The following RNF128 variants were observed in gnomAD, a reference collection of about 807,000 sequenced individuals.
The protein encoded by RNF128 is E3 ubiquitin-protein ligase RNF128.
A neutral mutation model predicts 26.2 loss-of-function variants in RNF128; 13 were observed. The ratio of observed to expected loss-of-function variants is 0.50; its 90% CI spans 0.32 to 0.79. RNF128 has a LOEUF of 0.79. Among genes scored for constraint, RNF128 ranks in the 30% least tolerant of loss-of-function variants. RNF128 has a pLI of 0.03. For missense variants in RNF128, 315 were observed against 349.7 expected, an observed-to-expected ratio of 0.90 and a Z score of 0.79; for synonymous variants, 149 against 142.5, an observed-to-expected ratio of 1.05 and a Z score of -0.32.
chrX:106,793,237 A>AGG (rs1179904589), intron 6 of RNF128, among the ~76,000 whole-genome samples: 1 of 110,931 alleles, frequency 9.0e-6, no homozygotes, highest in Admixed American at 9.7e-5. Flanking sequence ...CCATTGAATA[A>AGG]GGGCCCTACT....
rs749806791 is a variant in RNF128 at position 106,717,652 on chromosome X, G to A, written c.406+23244G>A. ...CAGATGAATTTTATTTTAAATCACT[G>A]AAACTCCAAAATAGAAAATTATAAT... On this transcript the variant is annotated intron_variant, in intron 1 of 6. Transcript: ENST00000324342. Among the ~76,000 whole-genome samples the A allele has an allele frequency of 2.7e-5, 3 of 112,081 alleles. No individual in the cohort carries two copies. In the East Asian group the frequency reaches 8.4e-4, roughly 31 times the overall value.
chrX:106,695,679 T>C (rs910324167), intron 1 of RNF128, among the ~76,000 whole-genome samples: 1 of 111,842 alleles, frequency 8.9e-6, no homozygotes, highest in Non-Finnish European at 1.9e-5. Flanking sequence ...ACGAGTGACT[T>C]TCATTTTTGT....
At chrX:106,705,453 G>A (rs769723096) in intron 1 of RNF128, among the ~76,000 whole-genome samples, 36 of 111,418 alleles carry the variant, frequency 3.2e-4, no homozygotes, top group African/African-American at 8.8e-4. Context: ...TTAAATGCCC[G>A]GATACCCTGC....
chrX:106,786,984 A>G (rs1930668870), intron 3 of RNF128, among the ~76,000 whole-genome samples: 2 of 111,446 alleles, frequency 1.8e-5, no homozygotes, highest in African/African-American at 6.5e-5. Context: ...CAACTGGTAC[A>G]CTCATTCATT....
At chrX:106,760,392 G>A (rs1434042199) in intron 1 of RNF128, among the ~76,000 whole-genome samples, 3 of 111,102 alleles carry the variant, frequency 2.7e-5, no homozygotes, top group East Asian at 5.6e-4. Flanking sequence ...AATATTCAAC[G>A]TCACCAATCA....
intron 4 of RNF128, among the ~76,000 whole-genome samples, chrX:106,788,542 AAATATAAT>A (rs1281250671): frequency 1.7e-5 from 1 of 59,034 alleles, no homozygotes; most frequent in African/African-American, 7.1e-5. Context: ...ATTATATATT[AAATATAAT>A]AATATATTTA....
At chrX:106,791,015 G>A (rs773454849) in intron 5 of RNF128, 51 bp from the exon 6 acceptor site, 1 of 1,105,739 alleles carries the variant, frequency 9.0e-7, no homozygotes, top group Non-Finnish European at 1.2e-6. Context: ...GATATGTCGA[G>A]GAAAAGCGTG....
rs56121637 is a variant in RNF128, at chrX:106,773,038, A to T, written c.610A>T (p.Asn204Tyr). ...EVGKKHGPWVNHYSIFFVSVS... is the reference protein window; with the variant it reads ...EVGKKHGPWVYHYSIFFVSVS... ...AGGGAAAAAACATGGCCCTTGGGTG[A>T]ATCACTATTCAATTTTTTTCGTTTC... Residue 204 changes from asparagine (N) to tyrosine (Y), a missense_variant, in exon 2 of 7, where the codon AAT becomes TAT. Transcript: ENST00000255499. 9,616 of 1,209,373 alleles carry T rather than the reference A, an allele frequency of 8.0e-3. 38 individuals are homozygous for T. The highest frequency in any genetic ancestry group is 9.3e-3 in the Non-Finnish European group (8,304 of 895,012).
chrX:106,789,581 T>G (rs751790578), intron 4 of RNF128, among the ~76,000 whole-genome samples: 2 of 102,537 alleles, frequency 2.0e-5, no homozygotes, highest in African/African-American at 6.9e-5. Context: ...ATGTAGTATA[T>G]ATAGTTACAC....
At chrX:106,769,546 G>T (rs370328538) in intron 1 of RNF128, among the ~76,000 whole-genome samples, 205 of 64,887 alleles carry the variant, frequency 3.2e-3, no homozygotes, top group South Asian at 6.2e-3. Flanking sequence ...CACCTGCTTT[G>T]TTTTTTTTTT....
At chrX:106,729,471 C>T (rs1196695147) in intron 1 of RNF128, among the ~76,000 whole-genome samples, 1 of 110,719 alleles carries the variant, frequency 9.0e-6, no homozygotes, top group Non-Finnish European at 1.9e-5. Context: ...TTAATGCTAA[C>T]AGGATGCAAA....
chrX:106,791,907 T>C (rs1930833565), intron 6 of RNF128, among the ~76,000 whole-genome samples: 1 of 111,163 alleles, frequency 9.0e-6, no homozygotes, highest in South Asian at 3.8e-4. Flanking sequence ...CTTTTCCATG[T>C]TTTTGTTGGT....
intron 1 of RNF128, among the ~76,000 whole-genome samples, chrX:106,758,226 GAA>G (rs1417674562): frequency 9.0e-6 from 1 of 111,464 alleles, no homozygotes; most frequent in African/African-American, 3.3e-5. Context: ...CCTAACCAAA[GAA>G]GAGAGCTCTA....
At chrX:106,790,341 C>G in intron 5 of RNF128, 59 bp downstream of exon 5, 2 of 803,026 alleles carry the variant, frequency 2.5e-6, no homozygotes, top group Non-Finnish European at 3.8e-6. Flanking sequence ...GAGAAAATAA[C>G]AAAATAACAT....
intron 2 of RNF128, among the ~76,000 whole-genome samples, chrX:106,775,942 A>G (rs1449859073): frequency 8.9e-6 from 1 of 112,336 alleles, no homozygotes; most frequent in African/African-American, 3.2e-5. Flanking sequence ...GAATGCTCAG[A>G]TGAGCCCCCA....
At chrX:106,756,207 G>A (rs1465872638) in intron 1 of RNF128, among the ~76,000 whole-genome samples, 1 of 111,404 alleles carries the variant, frequency 9.0e-6, no homozygotes, top group Non-Finnish European at 1.9e-5. Context: ...AGCTACCAAT[G>A]CCTTTCTTCA....
At chrX:106,711,882 C>A (rs2147661602) in intron 1 of RNF128, among the ~76,000 whole-genome samples, 1 of 111,276 alleles carries the variant, frequency 9.0e-6, no homozygotes, top group South Asian at 3.9e-4. Context: ...TTGAATAAAA[C>A]AAAAATCAAT....
At chrX:106,774,292 T>C (rs1414664684) in intron 2 of RNF128, among the ~76,000 whole-genome samples, 1 of 112,289 alleles carries the variant, frequency 8.9e-6, no homozygotes, top group African/African-American at 3.2e-5. Flanking sequence ...TTCATCTGCG[T>C]CTATCCTATT....
chrX:106,784,550 G>A (rs890160045), intron 2 of RNF128, among the ~76,000 whole-genome samples: 2 of 111,456 alleles, frequency 1.8e-5, no homozygotes, highest in Non-Finnish European at 3.8e-5. Context: ...GTAAAGGTTG[G>A]TACTACCCTC....
Sources: allele counts gnomAD v4.1 joint callset (sites outside exome capture counted in the v4.1 genomes callset), GRCh38; gene constraint gnomAD v4.1.1; transcripts MANE v1.5; gene names NCBI Gene and HGNC (gene_info 2026-07-23, HGNC 2026-07-21).